Variants in HECW1 observed in about 807,000 individuals in gnomAD.
The protein encoded by HECW1 is E3 ubiquitin-protein ligase HECW1.
In HECW1, 61 loss-of-function variants were observed where a neutral mutation model predicts 182.3. That is an observed-to-expected ratio of 0.33 (90% CI 0.27 to 0.41). The LOEUF (loss-of-function observed/expected upper bound fraction) is 0.41, where lower values mean the gene tolerates loss of function less well. Ranked by LOEUF, HECW1 falls within the 10% of genes least tolerant of loss-of-function variation. The pLI is 1.00. For synonymous variants in HECW1, 859 were observed against 832.6 expected (o/e 1.03, Z -0.55); for missense variants, 1,739 against 2,108.9 (o/e 0.82, Z 3.44).
At chr7:43,300,925 C>A (rs1806683979) in intron 3 of HECW1, among the ~76,000 whole-genome samples, 1 of 152,194 alleles carries the variant, frequency 6.6e-6, no homozygotes, top group Non-Finnish European at 1.5e-5. Context: ...TCAGTAACTT[C>A]TGCCACGGTG....
intron 16 of HECW1, among the ~76,000 whole-genome samples, chr7:43,472,314 C>G (rs965306152): frequency 6.6e-6 from 1 of 152,234 alleles, no homozygotes; most frequent in Middle Eastern, 3.2e-3. Flanking sequence ...GTTAATACCA[C>G]GACCTTCCCT....
intron 9 of HECW1, chr7:43,440,658 T>A (rs1340837313): frequency 6.6e-6 from 1 of 152,252 alleles, no homozygotes; most frequent in East Asian, 1.9e-4. Flanking sequence ...TTTGTGCCAC[T>A]GTCTGATTGT....
chr7:43,317,298 G>A (rs1470827001), intron 4 of HECW1, among the ~76,000 whole-genome samples: 2 of 152,102 alleles, frequency 1.3e-5, no homozygotes, highest in African/African-American at 4.8e-5. Context: ...TTCGCCGGTG[G>A]AGAGACAGCC....
At chr7:43,309,621 A>G (rs908089779) in intron 3 of HECW1, among the ~76,000 whole-genome samples, 1 of 152,220 alleles carries the variant, frequency 6.6e-6, no homozygotes, top group Non-Finnish European at 1.5e-5. Flanking sequence ...CATGAATGCA[A>G]ATATATCCTA....
chr7:43,187,135 T>G (rs1261072585), intron 2 of HECW1, among the ~76,000 whole-genome samples: 1 of 152,228 alleles, frequency 6.6e-6, no homozygotes, highest in Non-Finnish European at 1.5e-5. Context: ...ACCACATGGT[T>G]GTTTTCCTTG....
chr7:43,462,283 G>A (rs2077612570), intron 13 of HECW1, among the ~76,000 whole-genome samples: 1 of 151,942 alleles, frequency 6.6e-6, no homozygotes, highest in Admixed American at 6.6e-5. Context: ...TGTTGCAGGA[G>A]CCCCCAGCTG....
chr7:43,121,916 G>A (rs1240034002), intron 2 of HECW1: 1 of 152,162 alleles, frequency 6.6e-6, no homozygotes, highest in Admixed American at 6.5e-5. Flanking sequence ...TTCTCCGAAT[G>A]TGAAATGAGC....
intron 2 of HECW1, among the ~76,000 whole-genome samples, chr7:43,131,973 T>C (rs1786977822): frequency 6.6e-6 from 1 of 152,226 alleles, no homozygotes; most frequent in Admixed American, 6.5e-5. Flanking sequence ...CCTGGGGGCC[T>C]GGGTTACAAG....
At chr7:43,553,028 A>G (rs80167854) in intron 28 of HECW1, among the ~76,000 whole-genome samples, 1,892 of 152,296 alleles carry the variant, frequency 0.012, 75 homozygotes, top group Admixed American at 0.073. Context: ...CATTTCCTAC[A>G]GAATTGGAGC....
chr7:43,196,555 G>T (rs1407053083), intron 2 of HECW1, among the ~76,000 whole-genome samples: 2 of 152,158 alleles, frequency 1.3e-5, no homozygotes, highest in Non-Finnish European at 2.9e-5. Flanking sequence ...CTCTCAGAGG[G>T]TAACTGCATA....
chr7:43,494,520 T>C (rs2152920571), intron 19 of HECW1, among the ~76,000 whole-genome samples: 1 of 152,208 alleles, frequency 6.6e-6, no homozygotes, highest in Non-Finnish European at 1.5e-5. Flanking sequence ...TTTTTTTTTT[T>C]TGAGACAGAG....
chr7:43,168,784 A>G (rs544508330), intron 2 of HECW1, among the ~76,000 whole-genome samples: 20 of 152,360 alleles, frequency 1.3e-4, no homozygotes, highest in East Asian at 7.7e-4. Context: ...GTAAAAGTCA[A>G]TAAGTATACG....
intron 8 of HECW1, among the ~76,000 whole-genome samples, chr7:43,427,212 A>G (rs12702042): frequency 0.18 from 27,255 of 152,196 alleles, 2,614 homozygotes; most frequent in Middle Eastern, 0.22. Flanking sequence ...AGTTTCCCCA[A>G]CTATGATCAA....
At position 43,275,060 on chromosome 7, in the gene HECW1, CAG is replaced by C. The variant is rs547026462; in HGVS notation, c.27+31132_27+31133del. On this transcript the variant is annotated intron_variant, in intron 3 of 29. Coordinates refer to ENST00000395891, the MANE Select transcript of HECW1 (RefSeq NM_015052.5). ...GGTGTCACTGAGTTATCAGGGTCCT[CAG>C]AGAATAACAGAGCAAAGTACTCAGA... is the stretch of plus-strand genomic sequence containing the variant. 1.5e-3 allele frequency among the ~76,000 whole-genome samples: 230 copies of C among 152,194 alleles called. 1 individual carries two copies. The highest frequency in any genetic ancestry group is 6.8e-3 in the Middle Eastern group (2 of 294).
At chr7:43,521,303 A>ACG (rs780022266) in intron 24 of HECW1, among the ~76,000 whole-genome samples, 1 of 152,190 alleles carries the variant, frequency 6.6e-6, no homozygotes, top group Non-Finnish European at 1.5e-5. Context: ...TAGCACCACC[A>ACG]CGATCACCCC....
intron 2 of HECW1, among the ~76,000 whole-genome samples, chr7:43,127,487 C>T (rs922973509): frequency 4.9e-5 from 7 of 141,562 alleles, no homozygotes; most frequent in African/African-American, 1.9e-4. Flanking sequence ...TGCACCACTG[C>T]ACTCCAGCCT....
intron 5 of HECW1, among the ~76,000 whole-genome samples, chr7:43,322,080 T>G (rs771320562): frequency 9.2e-5 from 14 of 152,212 alleles, no homozygotes; most frequent in Non-Finnish European, 1.8e-4. Context: ...TTTCTTTTCT[T>G]TTTTTTGAGA....
chr7:43,147,872 T>A (rs1233989751), intron 2 of HECW1, among the ~76,000 whole-genome samples: 2 of 152,210 alleles, frequency 1.3e-5, no homozygotes, highest in African/African-American at 2.4e-5. Flanking sequence ...TAGCATTGTT[T>A]TACTAAACTT....
chr7:43,528,237 T>C (rs547450541), intron 24 of HECW1, among the ~76,000 whole-genome samples: 1 of 152,274 alleles, frequency 6.6e-6, no homozygotes, highest in South Asian at 2.1e-4. Flanking sequence ...ATTTGGAAGC[T>C]AAGGAGAAAT....
Sources: allele counts gnomAD v4.1 joint callset (sites outside exome capture counted in the v4.1 genomes callset), GRCh38; gene constraint gnomAD v4.1.1; transcripts MANE v1.5; gene names NCBI Gene and HGNC (gene_info 2026-07-23, HGNC 2026-07-21).